The following ATG7 variants were observed in gnomAD, a reference collection of about 807,000 sequenced individuals.
ATG7 encodes the protein autophagy related 7, also known as ubiquitin-like modifier-activating enzyme ATG7.
Under a neutral mutation model 82.4 loss-of-function variants are expected in ATG7, and 70 were observed. The ratio of observed to expected loss-of-function variants is 0.85; its 90% CI spans 0.70 to 1.04. The LOEUF (loss-of-function observed/expected upper bound fraction) is 1.04, where lower values mean the gene tolerates loss of function less well. ATG7 is among the 50% of genes least tolerant of loss of function. ATG7 has a pLI of 0.00. For missense variants in ATG7, 792 were observed against 864.3 expected, an observed-to-expected ratio of 0.92 and a Z score of 1.05; for synonymous variants, 287 against 313.0, an observed-to-expected ratio of 0.92 and a Z score of 0.88.
intron 20 of ATG7, among the ~76,000 whole-genome samples, chr3:11,473,242 A>G (rs930639809): frequency 6.6e-6 from 1 of 152,170 alleles, no homozygotes; most frequent in African/African-American, 2.4e-5. Context: ...ATTTCCCAGC[A>G]TGTTTTTCCC....
At chr3:11,460,273 T>A (rs1466317756) in intron 20 of ATG7, among the ~76,000 whole-genome samples, 1 of 152,218 alleles carries the variant, frequency 6.6e-6, no homozygotes, top group Non-Finnish European at 1.5e-5. Context: ...GGAGCATACA[T>A]AGGCCATGTG....
chr3:11,392,301 A>T (rs1473893387), intron 19 of ATG7, among the ~76,000 whole-genome samples: 1 of 152,056 alleles, frequency 6.6e-6, no homozygotes, highest in African/African-American at 2.4e-5. Context: ...AGCTGCTAAG[A>T]ATCCAAGACA....
chr3:11,412,113 G>T (rs1037045716), intron 19 of ATG7, among the ~76,000 whole-genome samples: 1 of 152,040 alleles, frequency 6.6e-6, no homozygotes, highest in East Asian at 1.9e-4. Context: ...GGAGATAGGA[G>T]CTCAGTCTCA....
intron 14 of ATG7, among the ~76,000 whole-genome samples, chr3:11,354,468 G>A (rs2075788098): frequency 6.6e-6 from 1 of 151,906 alleles, no homozygotes; most frequent in South Asian, 2.1e-4. Flanking sequence ...GGCCAACATG[G>A]TGAAACCCCG....
intron 20 of ATG7, among the ~76,000 whole-genome samples, chr3:11,459,548 T>C (rs967372327): frequency 1.1e-4 from 17 of 151,900 alleles, no homozygotes; most frequent in Non-Finnish European, 2.9e-5. Flanking sequence ...TCTGAGAGCT[T>C]CCAAAATTCA....
Position 11,440,323 on chromosome 3 carries a change from CTTTTTTTTT to C in ATG7, c.2079+13408_2079+13416del, listed in dbSNP as rs59365367. On this transcript the variant is annotated intron_variant, in intron 20 of 20. Coordinates refer to ENST00000693202, the MANE Select transcript of ATG7 (RefSeq NM_001349232.2). Reference sequence around the variant, plus strand: ...AAGTCCTTTCTTTCTGGCCTTTACTCTTTTTTTTTTTTTTTTTTTGAGACGGAGTCTCGC... The same window carrying C: ...AAGTCCTTTCTTTCTGGCCTTTACTCTTTTTTTTTTGAGACGGAGTCTCGC... Among the ~76,000 whole-genome samples the C allele has an allele frequency of 4.4e-5, 5 of 113,838 alleles. No individual in the cohort carries two copies. The South Asian group carries it at 1.5e-3, about 34-fold the overall frequency. The allele number at this position is 113,838 out of a possible 152,430, so 74.7% of individuals were successfully genotyped here.
chr3:11,274,587 G>A (rs891628677), intron 1 of ATG7, among the ~76,000 whole-genome samples: 1 of 152,120 alleles, frequency 6.6e-6, no homozygotes, highest in Non-Finnish European at 1.5e-5. Flanking sequence ...TGACTGGAAA[G>A]GTAAGCACTA....
chr3:11,378,027 A>ATTTTTTTTTT lies in ATG7; in HGVS notation c.1876-1936_1876-1927dup, dbSNP rs61176051. ...GCTATCTAACTTATACCAGTTACCA[A>ATTTTTTTTTT]TTTTTTTTTTTTTTTTTTGAGATGG... is the stretch of plus-strand genomic sequence containing the variant. On this transcript the variant is annotated intron_variant, in intron 18 of 20. Coordinates refer to ENST00000693202, the MANE Select transcript of ATG7 (RefSeq NM_001349232.2). 4.5e-4 allele frequency among the ~76,000 whole-genome samples: 42 copies of ATTTTTTTTTT among 92,722 alleles called. 6 individuals carry two copies. The highest frequency in any genetic ancestry group is 1.9e-3 in the African/African-American group (35 of 18,714). The allele number at this position is 92,722 out of a possible 152,430, so 60.8% of individuals were successfully genotyped here.
intron 20 of ATG7, among the ~76,000 whole-genome samples, chr3:11,431,950 T>G (rs1330343577): frequency 6.6e-6 from 1 of 152,240 alleles, no homozygotes; most frequent in African/African-American, 2.4e-5. Flanking sequence ...ACCCAATTTT[T>G]TGCACTCATC....
At chr3:11,443,920 C>G (rs944415323) in intron 20 of ATG7, among the ~76,000 whole-genome samples, 1 of 152,156 alleles carries the variant, frequency 6.6e-6, no homozygotes, top group Non-Finnish European at 1.5e-5. Flanking sequence ...TCTCGTTGCC[C>G]TTCACCCATC....
At chr3:11,497,043 G>GT (rs554700808) in intron 20 of ATG7, among the ~76,000 whole-genome samples, 45 of 151,502 alleles carry the variant, frequency 3.0e-4, no homozygotes, top group African/African-American at 1.1e-3. Flanking sequence ...TAGAGACGGG[G>GT]TTTCACCGTG....
At chr3:11,341,251 A>G (rs1486814268) in intron 12 of ATG7, among the ~76,000 whole-genome samples, 5 of 151,704 alleles carry the variant, frequency 3.3e-5, no homozygotes, top group Non-Finnish European at 7.4e-5. Flanking sequence ...TAGTAGAGAC[A>G]GGGTTTCACT....
rs144918110 is a variant in ATG7, at chr3:11,361,076, G to A, written c.1683+292G>A. Among the ~76,000 whole-genome samples, 30 of 152,172 alleles carry A rather than the reference G, an allele frequency of 2.0e-4. No homozygotes were observed. The East Asian group carries it at 5.2e-3, about 26-fold the overall frequency. On this transcript the variant is annotated intron_variant, in intron 16 of 20. Transcript: ENST00000693202. Reference sequence around the variant, plus strand: ...CCTGATAGCACTCCGTATTGTCTCCGGTGCTTCTCTTAGTCAAGATAACAT... The same window carrying A: ...CCTGATAGCACTCCGTATTGTCTCCAGTGCTTCTCTTAGTCAAGATAACAT...
chr3:11,298,982 AT>A, intron 4 of ATG7, 127 bp downstream of exon 4: 2 of 1,053,864 alleles, frequency 1.9e-6, no homozygotes, highest in Non-Finnish European at 2.7e-6. Context: ...ACTAGTTTCT[AT>A]TTTACTTCCT....
chr3:11,470,238 G>A (rs2087339642), intron 20 of ATG7, among the ~76,000 whole-genome samples: 1 of 152,174 alleles, frequency 6.6e-6, no homozygotes, highest in African/African-American at 2.4e-5. Flanking sequence ...CGATGGGGAT[G>A]CATTGTTAGG....
At chr3:11,518,816 C>G (rs535337108) in intron 20 of ATG7, among the ~76,000 whole-genome samples, 3 of 152,242 alleles carry the variant, frequency 2.0e-5, no homozygotes, top group African/African-American at 7.2e-5. Flanking sequence ...TCACTGAATT[C>G]TAACAATTAT....
At chr3:11,439,871 T>C (rs542247086) in intron 20 of ATG7, among the ~76,000 whole-genome samples, 53 of 152,350 alleles carry the variant, frequency 3.5e-4, no homozygotes, top group African/African-American at 1.3e-3. Flanking sequence ...CAGGGCGCTT[T>C]TGTACCTGCC....
chr3:11,477,794 C>T (rs562796625), intron 20 of ATG7, among the ~76,000 whole-genome samples: 2 of 152,174 alleles, frequency 1.3e-5, no homozygotes, highest in South Asian at 2.1e-4. Flanking sequence ...ACAGCCTAGA[C>T]GCATTCTCTG....
chr3:11,460,625 C>G (rs2086215621), intron 20 of ATG7, among the ~76,000 whole-genome samples: 1 of 152,174 alleles, frequency 6.6e-6, no homozygotes, highest in African/African-American at 2.4e-5. Context: ...AGAATTCATT[C>G]CATAAAAATG....
Sources: gnomAD v4.1 joint callset for allele counts (sites outside exome capture counted in the v4.1 genomes callset) on GRCh38, gnomAD v4.1.1 for gene constraint, MANE v1.5 for transcripts, NCBI Gene and HGNC (gene_info 2026-07-23, HGNC 2026-07-21) for gene names.